ERBB4: variants seen among roughly 807,000 people sequenced by gnomAD.
ERBB4 encodes receptor tyrosine-protein kinase erbB-4.
A neutral mutation model predicts 158.0 loss-of-function variants in ERBB4; 42 were observed. The ratio of observed to expected loss-of-function variants is 0.27; its 90% CI spans 0.21 to 0.34. ERBB4 has a LOEUF of 0.34. Among genes scored for constraint, ERBB4 ranks in the 10% least tolerant of loss-of-function variants. ERBB4 has a pLI of 1.00. For synonymous variants in ERBB4, 583 were observed against 558.7 expected (o/e 1.04, Z -0.61); for missense variants, 1,333 against 1,624.1 (o/e 0.82, Z 3.08).
At chr2:212,190,453 C>T (rs1009206696) in intron 1 of ERBB4, among the ~76,000 whole-genome samples, 3 of 150,926 alleles carry the variant, frequency 2.0e-5, no homozygotes, top group Non-Finnish European at 4.4e-5. Flanking sequence ...AGGAGAATGG[C>T]GTGAACCCGG....
intron 2 of ERBB4, among the ~76,000 whole-genome samples, chr2:212,011,394 A>T (rs540971285): frequency 2.0e-5 from 3 of 152,224 alleles, no homozygotes; most frequent in Non-Finnish European, 4.4e-5. Context: ...GATATAGAAC[A>T]TTTCCATTAT....
At chr2:211,895,800 T>G in intron 3 of ERBB4, among the ~76,000 whole-genome samples, 1 of 152,208 alleles carries the variant, frequency 6.6e-6, no homozygotes, top group Non-Finnish European at 1.5e-5. Flanking sequence ...TCTGGCACTT[T>G]ACTCTTGCCA....
At chr2:211,670,720 C>T (rs2071806622) in intron 14 of ERBB4, among the ~76,000 whole-genome samples, 1 of 152,076 alleles carries the variant, frequency 6.6e-6, no homozygotes, top group South Asian at 2.1e-4. Flanking sequence ...GGGAGTAATA[C>T]CTACAAGACA....
Position 211,510,696 on chromosome 2 carries a change from TTA to T in ERBB4, c.2487+51205_2487+51206del, listed in dbSNP as rs1188237308. Among the ~76,000 whole-genome samples, 4 of 152,240 alleles carry T rather than the reference TTA, an allele frequency of 2.6e-5. No homozygotes were observed. The East Asian group carries it at 7.7e-4, about 29-fold the overall frequency. On this transcript the variant is annotated intron_variant, in intron 20 of 27. Transcript: ENST00000342788. ...AAAGCTGTATGATTATTAAAAGTCA[TTA>T]GTTTTCTACTCATTTCATCATTTTA...
chr2:212,254,028 A>C (rs2084635014), intron 1 of ERBB4, among the ~76,000 whole-genome samples: 1 of 152,140 alleles, frequency 6.6e-6, no homozygotes, highest in Non-Finnish European at 1.5e-5. Flanking sequence ...TCAGTATTAT[A>C]ATCTCAGGAG....
At chr2:211,697,450 T>C (rs562270449) in intron 12 of ERBB4, among the ~76,000 whole-genome samples, 2 of 151,948 alleles carry the variant, frequency 1.3e-5, no homozygotes, top group East Asian at 3.9e-4. Flanking sequence ...AAAAATATGG[T>C]TTGATAAACA....
intron 1 of ERBB4, among the ~76,000 whole-genome samples, chr2:212,489,032 A>G (rs1030633401): frequency 6.6e-6 from 1 of 150,722 alleles, no homozygotes; most frequent in African/African-American, 2.4e-5. Flanking sequence ...ATGGTAGGCA[A>G]TTGATAAAAG....
chr2:211,704,019 A>G (rs757137929), intron 11 of ERBB4, 85 bp downstream of exon 11: 5 of 830,148 alleles, frequency 6.0e-6, no homozygotes, highest in African/African-American at 3.3e-5. Context: ...CAGTAAATCA[A>G]TAAGAGTGAT....
chr2:211,569,245 G>A (rs564635436), intron 19 of ERBB4, among the ~76,000 whole-genome samples: 6 of 152,262 alleles, frequency 3.9e-5, no homozygotes, highest in East Asian at 1.9e-4. Flanking sequence ...AGTCTACATC[G>A]GGAAAGAATT....
At chr2:212,201,497 A>G (rs1011259749) in intron 1 of ERBB4, among the ~76,000 whole-genome samples, 3 of 152,124 alleles carry the variant, frequency 2.0e-5, no homozygotes, top group African/African-American at 7.2e-5. Flanking sequence ...GCTTTAATCG[A>G]TAAATATTTT....
intron 1 of ERBB4, among the ~76,000 whole-genome samples, chr2:212,180,302 A>AT (rs561363839): frequency 5.3e-5 from 8 of 151,698 alleles, no homozygotes; most frequent in Non-Finnish European, 1.2e-4. Flanking sequence ...GGATAAGCAT[A>AT]TTTTTTTCTT....
At chr2:211,997,342 T>G (rs1034564642) in intron 2 of ERBB4, among the ~76,000 whole-genome samples, 5 of 151,774 alleles carry the variant, frequency 3.3e-5, no homozygotes, top group African/African-American at 1.2e-4. Flanking sequence ...CTCTAGTAAC[T>G]TTCACTTGTT....
chr2:212,271,970 G>T (rs1249664901), intron 1 of ERBB4, among the ~76,000 whole-genome samples: 1 of 151,692 alleles, frequency 6.6e-6, no homozygotes, highest in Non-Finnish European at 1.5e-5. Flanking sequence ...CTCTTATAAG[G>T]ATTAAAATTA....
At chr2:212,357,851 T>C (rs546970314) in intron 1 of ERBB4, among the ~76,000 whole-genome samples, 5 of 151,928 alleles carry the variant, frequency 3.3e-5, no homozygotes, top group African/African-American at 1.2e-4. Context: ...GTATCCTTTC[T>C]GAGCAGGGAG....
At chr2:212,244,565 G>T (rs927026926) in intron 1 of ERBB4, among the ~76,000 whole-genome samples, 6 of 152,164 alleles carry the variant, frequency 3.9e-5, no homozygotes, top group Admixed American at 2.0e-4. Flanking sequence ...TATAAAGAGA[G>T]ACGTCTAGGA....
At chr2:211,654,057 TATG>T (rs1238187596) in intron 16 of ERBB4, among the ~76,000 whole-genome samples, 1 of 152,210 alleles carries the variant, frequency 6.6e-6, no homozygotes, top group African/African-American at 2.4e-5. Context: ...TTTGAAAAAC[TATG>T]ATGACATTTA....
chr2:212,332,507 T>C (rs1339035372), intron 1 of ERBB4, among the ~76,000 whole-genome samples: 1 of 152,114 alleles, frequency 6.6e-6, no homozygotes, highest in Non-Finnish European at 1.5e-5. Context: ...GCCTTCACTC[T>C]TGCAAATCAA....
At chr2:212,281,075 T>TC (rs1378089901) in intron 1 of ERBB4, among the ~76,000 whole-genome samples, 1 of 151,578 alleles carries the variant, frequency 6.6e-6, no homozygotes, top group Non-Finnish European at 1.5e-5. Flanking sequence ...TCTTCACAAC[T>TC]CCCCCTCAGA....
intron 1 of ERBB4, among the ~76,000 whole-genome samples, chr2:212,448,146 G>C (rs980285971): frequency 6.6e-6 from 1 of 152,052 alleles, no homozygotes; most frequent in Non-Finnish European, 1.5e-5. Flanking sequence ...ATATTATCAT[G>C]ACATGTCAGG....
Sources: gnomAD v4.1 joint callset for allele counts (sites outside exome capture counted in the v4.1 genomes callset) on GRCh38, gnomAD v4.1.1 for gene constraint, MANE v1.5 for transcripts, NCBI Gene and HGNC (gene_info 2026-07-23, HGNC 2026-07-21) for gene names.